Variants in C18orf32 observed in about 807,000 individuals in gnomAD.
C18orf32 encodes the protein chromosome 18 open reading frame 32.
A neutral mutation model predicts 7.4 loss-of-function variants in C18orf32; 5 were observed. That is an observed-to-expected ratio of 0.68 (90% CI 0.35 to 1.42). C18orf32 has a LOEUF of 1.42. Among genes scored for constraint, C18orf32 ranks in the 40% most tolerant of loss-of-function variants. C18orf32 has a pLI of 0.04. For missense variants in C18orf32, 88 were observed against 92.4 expected, an observed-to-expected ratio of 0.95 and a Z score of 0.19; for synonymous variants, 30 against 29.3, an observed-to-expected ratio of 1.02 and a Z score of -0.08.
Position 49,480,818 on chromosome 18 carries a change from A to G in C18orf32, c.*1527T>C, listed in dbSNP as rs1473470815. The G allele has an allele frequency of 1.3e-5, 2 of 152,158 alleles. No homozygotes were observed. The highest frequency in any genetic ancestry group is 2.9e-5 in the Non-Finnish European group (2 of 68,022). The allele number at this position is 152,158 out of a possible 1,614,324, so 9.4% of individuals were successfully genotyped here. ...GATGTGCATATTTAAGAACAAATTAATTTTCAAAAAGTTGCTAGAAGGTTA... is the reference window on the plus strand; with the variant it reads ...GATGTGCATATTTAAGAACAAATTAGTTTTCAAAAAGTTGCTAGAAGGTTA... On this transcript the variant is annotated 3_prime_UTR_variant, in exon 3 of 3. Coordinates refer to ENST00000318240, the MANE Select transcript of C18orf32 (RefSeq NM_001035005.4).
At chr18:49,484,197 C>T (rs9954924) in intron 1 of C18orf32, among the ~76,000 whole-genome samples, 4,312 of 40,978 alleles carry the variant, frequency 0.11, 155 homozygotes, top group South Asian at 0.24. Flanking sequence ...CACACACACA[C>T]ACACGAAAGG....
Position 49,483,650 on chromosome 18 carries a change from A to C in C18orf32, c.99T>G (p.Ser33Arg), listed in dbSNP as rs1156282537. 1.2e-6 allele frequency: 2 copies of C among 1,613,632 alleles called. No homozygotes were observed. The highest frequency in any genetic ancestry group is 1.3e-5 in the African/African-American group (1 of 74,884). Reference sequence around the variant, plus strand: ...GTATTGCTTTCTTAGGCCATATACGACTAACGAAGGGGGAAACCAGAGGGT... The same window carrying C: ...GTATTGCTTTCTTAGGCCATATACGCCTAACGAAGGGGGAAACCAGAGGGT... ...YIYPLVSPFV[S>R]RIWPKKAIQE... The change falls in exon 2 of 3, where the codon AGT becomes AGG. Residue 33 changes from serine to arginine, a missense_variant. Ser to Arg is a moderately radical substitution (Grantham distance 110, BLOSUM62 -1). Transcript: ENST00000318240.
At chr18:49,484,163 T>C (rs1291549243) in intron 1 of C18orf32, among the ~76,000 whole-genome samples, 8,024 of 66,370 alleles carry the variant, frequency 0.12, 471 homozygotes, top group East Asian at 0.25. Flanking sequence ...TATATATATA[T>C]ATATACACAC....
chr18:49,486,112 G>A (rs1248969730), intron 1 of C18orf32: 1 of 127,206 alleles, frequency 7.9e-6, no homozygotes, highest in African/African-American at 3.1e-5. Context: ...TCCAAAAGTT[G>A]TAACCTGTCC....
rs149987899 is a variant in C18orf32, at chr18:49,485,022, C to T, written c.-23-1251G>A. ...GCTTGAACCCGGGAGGTAGAGGTTG[C>T]GGTGAGCCAAGATCATGCCACTGCA... On this transcript the variant is annotated intron_variant, in intron 1 of 2. Coordinates refer to ENST00000318240, the MANE Select transcript of C18orf32 (RefSeq NM_001035005.4). Among the ~76,000 whole-genome samples the T allele has an allele frequency of 3.4e-3, 516 of 152,096 alleles. 2 individuals are homozygous for T. Among genetic ancestry groups the T allele is most frequent in the African/African-American group, 0.011 (442 of 41,472 alleles).
chr18:49,486,778 T>C (rs913833845), intron 1 of C18orf32, among the ~76,000 whole-genome samples: 2 of 152,128 alleles, frequency 1.3e-5, no homozygotes, highest in Non-Finnish European at 2.9e-5. Flanking sequence ...CAGTTGAGCA[T>C]GTCATCTTAG....
rs1043958875 is a variant in C18orf32 at position 49,480,885 on chromosome 18, T to C, written c.*1460A>G. The stretch of plus-strand genomic sequence containing the variant: ...GGGCGGACTCTGGATGCACTGCCTA[T>C]GAATTAGCCTTGCTCCACAAGGAGC... On this transcript the variant is annotated 3_prime_UTR_variant, in exon 3 of 3. Transcript: ENST00000318240. 6.6e-6 allele frequency: 1 copy of C among 152,146 alleles called. No homozygotes were observed. Among genetic ancestry groups the C allele is most frequent in the African/African-American group, 2.4e-5 (1 of 41,428 alleles). 9.4% of individuals were successfully genotyped at this position (152,146 alleles called of 1,614,324 possible).
At chr18:49,486,953 G>A (rs1288389844) in intron 1 of C18orf32, 90 bp downstream of exon 1, 3 of 151,760 alleles carry the variant, frequency 2.0e-5, no homozygotes, top group Non-Finnish European at 4.4e-5. Context: ...TGCAAGCTCC[G>A]AGGGCGCCGG....
chr18:49,483,687 T>C lies in C18orf32; in HGVS notation c.62A>G (p.Glu21Gly). ...VLLWIYKKFLEPYIYPLVSPF... is the reference protein window; with the variant it reads ...VLLWIYKKFLGPYIYPLVSPF... ...GGAAACCAGAGGGTATATATATGGC[T>C]CCAGGAATTTTTTGTAGATCCAGAG... is the stretch of plus-strand genomic sequence containing the variant. Residue 21 changes from glutamate to glycine, a missense_variant, in exon 2 of 3, where the codon GAG becomes GGG. Transcript: ENST00000318240. 1 of 1,613,756 alleles carries C rather than the reference T, an allele frequency of 6.2e-7. No individual in the cohort carries two copies. The highest frequency in any genetic ancestry group is 8.5e-7 in the Non-Finnish European group (1 of 1,179,962).
intron 2 of C18orf32, among the ~76,000 whole-genome samples, chr18:49,482,763 TA>T (rs1302334461): frequency 6.7e-6 from 1 of 150,130 alleles, no homozygotes; most frequent in African/African-American, 2.4e-5. Flanking sequence ...AAGAAATTAT[TA>T]CAACAAAAAG....
Position 49,479,451 on chromosome 18 carries a change from T to G in C18orf32, c.*2894A>C, listed in dbSNP as rs1030010705. ...TATATTAAAAGGGACGCAATCACAGTGCATTAACCTGTGCAGTGAGCAATA... is the reference window on the plus strand; with the variant it reads ...TATATTAAAAGGGACGCAATCACAGGGCATTAACCTGTGCAGTGAGCAATA... On this transcript the variant is annotated 3_prime_UTR_variant, in exon 3 of 3. Transcript: ENST00000318240. 3 of 152,190 alleles carry G rather than the reference T, an allele frequency of 2.0e-5. No individual in the cohort carries two copies. The highest frequency in any genetic ancestry group is 2.4e-5 in the African/African-American group (1 of 41,428). 9.4% of individuals were successfully genotyped at this position (152,190 alleles called of 1,614,324 possible).
In C18orf32 at chr18:49,482,402, G is replaced by T; in HGVS notation, c.174C>A (p.Asp58Glu). 6.2e-7 allele frequency: 1 copy of T among 1,610,348 alleles called. No homozygotes were observed. The highest frequency in any genetic ancestry group is 8.5e-7 in the Non-Finnish European group (1 of 1,177,510). The part of the protein sequence containing the change: ...NKGKVNFKGA[D>E]MNGLPTKGPT... ...GTCCTTTTGTTGGTAATCCATTCAT[G>T]TCTGCACCCTAAAATGAAAAAACAT... The change falls in exon 3 of 3, where the codon GAC (aspartate) becomes GAA (glutamate). Residue 58 changes from aspartate to glutamate, a missense_variant. Asp to Glu is a conservative substitution (Grantham distance 45). Transcript: ENST00000318240.
chr18:49,482,365 A>C lies in C18orf32; in HGVS notation c.211T>G (p.Cys71Gly). The change falls in exon 3 of 3, where the codon TGT becomes GGT. Residue 71 changes from cysteine to glycine, a missense_variant. Coordinates refer to ENST00000318240, the MANE Select transcript of C18orf32 (RefSeq NM_001035005.4). The part of the protein sequence containing the change: ...GLPTKGPTEI[C>G]DKKKD Reference sequence around the variant, plus strand: ...TTTCTTTAGTCTTTCTTTTTATCACAGATTTCTGTTGGTCCTTTTGTTGGT... The same window carrying C: ...TTTCTTTAGTCTTTCTTTTTATCACCGATTTCTGTTGGTCCTTTTGTTGGT... 6 of 1,612,862 alleles carry C rather than the reference A, an allele frequency of 3.7e-6. No individual in the cohort carries two copies. The highest frequency in any genetic ancestry group is 5.1e-6 in the Non-Finnish European group (6 of 1,179,228).
chr18:49,483,231 C>G (rs1433525631), intron 2 of C18orf32, among the ~76,000 whole-genome samples: 1 of 152,158 alleles, frequency 6.6e-6, no homozygotes, highest in Non-Finnish European at 1.5e-5. Context: ...CTAAAGACAA[C>G]AGAGTTGTCC....
Position 49,477,629 on chromosome 18 carries a change from T to A in C18orf32, c.*4716A>T, listed in dbSNP as rs568360838. On this transcript the variant is annotated 3_prime_UTR_variant, in exon 3 of 3. Coordinates refer to ENST00000318240, the MANE Select transcript of C18orf32 (RefSeq NM_001035005.4). ...ACCCCGTCTCTACTAAAGTACAAAATTAGCCGGGTGTGGTAGCACGCACCT... is the reference window on the plus strand; with the variant it reads ...ACCCCGTCTCTACTAAAGTACAAAAATAGCCGGGTGTGGTAGCACGCACCT... 1 of 149,610 alleles carries A rather than the reference T, an allele frequency of 6.7e-6. No homozygotes were observed. Among genetic ancestry groups the A allele is most frequent in the African/African-American group, 2.6e-5 (1 of 39,126 alleles). The allele number at this position is 149,610 out of a possible 1,614,324, so 9.3% of individuals were successfully genotyped here.
chr18:49,485,557 A>G lies in C18orf32; in HGVS notation c.-24+1486T>C, dbSNP rs566802553. Among the ~76,000 whole-genome samples the G allele has an allele frequency of 5.7e-4, 84 of 148,456 alleles. 1 individual carries two copies. In the South Asian group the frequency reaches 0.016, roughly 28 times the overall value. On this transcript the variant is annotated intron_variant, in intron 1 of 2. Coordinates refer to ENST00000318240, the MANE Select transcript of C18orf32 (RefSeq NM_001035005.4). ...TGACAAGAGCAAAACTCCGTGTCAGAAAAAAAAAAAATAAAAATAAAATAA... is the reference window on the plus strand; with the variant it reads ...TGACAAGAGCAAAACTCCGTGTCAGGAAAAAAAAAAATAAAAATAAAATAA...
At chr18:49,482,479 A>G (rs2089207092) in intron 2 of C18orf32, 69 bp from the exon 3 acceptor site, 1 of 1,122,294 alleles carries the variant, frequency 8.9e-7, no homozygotes, top group African/African-American at 1.5e-5. Context: ...CTGTAATCCC[A>G]GCACTTTGGG....
intron 1 of C18orf32, among the ~76,000 whole-genome samples, chr18:49,485,414 C>T (rs111624227): frequency 0.029 from 4,441 of 151,936 alleles, 87 homozygotes; most frequent in South Asian, 0.066. Context: ...ATTAGCTGGG[C>T]GTGGTGGTGG....
In C18orf32 at chr18:49,483,640, G is replaced by A. The variant is rs749561223; in HGVS notation, c.109C>T (p.Pro37Ser). ...LVSPFVSRIW[P>S]KKAIQESNDT... is the part of the protein sequence containing the mutation. Reference sequence around the variant, plus strand: ...TTGGATTCTTGTATTGCTTTCTTAGGCCATATACGACTAACGAAGGGGGAA... The same window carrying A: ...TTGGATTCTTGTATTGCTTTCTTAGACCATATACGACTAACGAAGGGGGAA... Residue 37 changes from proline (P) to serine (S), a missense_variant, in exon 2 of 3, where the codon CCT (proline) becomes TCT (serine). Coordinates refer to ENST00000318240, the MANE Select transcript of C18orf32 (RefSeq NM_001035005.4). 6.2e-7 allele frequency: 1 copy of A among 1,612,538 alleles called. No individual in the cohort carries two copies. The highest frequency in any genetic ancestry group is 1.3e-5 in the African/African-American group (1 of 74,880).
Sources: gnomAD v4.1 joint callset for allele counts (sites outside exome capture counted in the v4.1 genomes callset) on GRCh38, gnomAD v4.1.1 for gene constraint, MANE v1.5 for transcripts, NCBI Gene and HGNC (gene_info 2026-07-23, HGNC 2026-07-21) for gene names.